ESRRG: variants seen among roughly 807,000 people sequenced by gnomAD.
The protein encoded by ESRRG is estrogen related receptor gamma.
In ESRRG, 13 loss-of-function variants were observed where a neutral mutation model predicts 44.0. That is an observed-to-expected ratio of 0.30 (90% CI 0.19 to 0.47). The LOEUF (loss-of-function observed/expected upper bound fraction) is 0.47, where lower values mean the gene tolerates loss of function less well. Ranked by LOEUF, ESRRG falls within the 20% of genes least tolerant of loss-of-function variation. The pLI is 1.00. For missense variants in ESRRG, 395 were observed against 580.6 expected (o/e 0.68, Z 3.29); for synonymous variants, 215 against 214.6 (o/e 1.00, Z -0.02).
At chr1:216,833,555 A>G (rs1326360740) in intron 2 of ESRRG, among the ~76,000 whole-genome samples, 1 of 152,220 alleles carries the variant, frequency 6.6e-6, no homozygotes, top group East Asian at 1.9e-4. Flanking sequence ...CAAATTTGAC[A>G]CACAAAATTA....
At chr1:216,650,566 T>A (rs2151048524) in intron 3 of ESRRG, among the ~76,000 whole-genome samples, 1 of 152,182 alleles carries the variant, frequency 6.6e-6, no homozygotes, top group South Asian at 2.1e-4. Flanking sequence ...AAGATAAGGT[T>A]GGGAAAGAAC....
intron 3 of ESRRG, among the ~76,000 whole-genome samples, chr1:216,604,695 G>A (rs1483884815): frequency 6.6e-6 from 1 of 152,102 alleles, no homozygotes; most frequent in Non-Finnish European, 1.5e-5. Context: ...ATGGGATTGG[G>A]TCACTTTCTT....
At chr1:216,970,420 T>C (rs1182504820) in intron 1 of ESRRG, among the ~76,000 whole-genome samples, 1 of 152,178 alleles carries the variant, frequency 6.6e-6, no homozygotes. Context: ...AGTGTCTTCT[T>C]CAACTTTGCC....
intron 1 of ESRRG, among the ~76,000 whole-genome samples, chr1:216,973,310 T>G (rs566971638): frequency 1.3e-5 from 2 of 152,246 alleles, no homozygotes. Context: ...CACCTCTCAT[T>G]GTCCTCTCCA....
At chr1:217,129,407 C>T (rs991016394) in intron 1 of ESRRG, among the ~76,000 whole-genome samples, 10 of 152,128 alleles carry the variant, frequency 6.6e-5, no homozygotes, top group African/African-American at 1.4e-4. Flanking sequence ...TATGTAGCTG[C>T]TGTGGAAAGA....
intron 1 of ESRRG, among the ~76,000 whole-genome samples, chr1:217,100,641 T>C (rs2092496962): frequency 6.6e-6 from 1 of 152,234 alleles, no homozygotes; most frequent in South Asian, 2.1e-4. Context: ...AGCATAGTGC[T>C]GGCACCTGCT....
chr1:216,560,308 A>G lies in ESRRG; in HGVS notation c.862+3911T>C, dbSNP rs1356415157. On this transcript the variant is annotated intron_variant, in intron 5 of 6. Coordinates refer to ENST00000408911, the MANE Select transcript of ESRRG (RefSeq NM_001438.4). ...ACTTGAGCAAAGTCCTCCTTCTTCA[A>G]TGGGTAATTATTTAATTTGTCACGT... Among the ~76,000 whole-genome samples, 4 of 152,150 alleles carry G rather than the reference A, an allele frequency of 2.6e-5. No individual in the cohort carries two copies. The East Asian group carries it at 7.7e-4, about 29-fold the overall frequency.
chr1:216,651,609 A>C (rs767176322), intron 2 of ESRRG, among the ~76,000 whole-genome samples: 1 of 152,112 alleles, frequency 6.6e-6, no homozygotes, highest in Non-Finnish European at 1.5e-5. Flanking sequence ...CAGAAATTAC[A>C]TAGTTGTTGC....
rs530642227 is a variant in ESRRG, at chr1:216,703,576, AT to A, written c.56+19667del. On this transcript the variant is annotated intron_variant, in intron 1 of 6. Transcript: ENST00000408911. Reference sequence around the variant, plus strand: ...TTGTTACTAATTCTGTATAAATGTAATTTTTTTTTTGCTTTTTTTTTTAAGT... The same window carrying A: ...TTGTTACTAATTCTGTATAAATGTAATTTTTTTTTGCTTTTTTTTTTAAGT... 1.4e-3 allele frequency among the ~76,000 whole-genome samples: 200 copies of A among 146,770 alleles called. 1 individual carries two copies. Among genetic ancestry groups the A allele is most frequent in the Non-Finnish European group, 2.0e-3 (136 of 66,434 alleles).
chr1:216,737,637 G>A (rs754102872), intron 2 of ESRRG, among the ~76,000 whole-genome samples: 2 of 152,126 alleles, frequency 1.3e-5, no homozygotes, highest in East Asian at 3.8e-4. Context: ...TAAAGGAAGT[G>A]TATGTAAAAG....
At chr1:216,584,733 C>T (rs1033824840) in intron 3 of ESRRG, among the ~76,000 whole-genome samples, 5 of 152,278 alleles carry the variant, frequency 3.3e-5, no homozygotes, top group African/African-American at 7.2e-5. Context: ...TTACTTGCTA[C>T]TTATAAAATC....
intron 1 of ESRRG, among the ~76,000 whole-genome samples, chr1:217,013,379 A>T (rs2078910820): frequency 6.6e-6 from 1 of 152,248 alleles, no homozygotes; most frequent in South Asian, 2.1e-4. Context: ...TTGAGAACTA[A>T]CATGATGTTA....
intron 2 of ESRRG, among the ~76,000 whole-genome samples, chr1:216,884,558 C>G (rs1293658834): frequency 6.6e-6 from 1 of 152,134 alleles, no homozygotes; most frequent in African/African-American, 2.4e-5. Context: ...TTGTCAGAGG[C>G]CTTCAAAACT....
At chr1:217,081,221 C>CTTTTTTTTTTTTTTTTTTTTTTT (rs143325476) in intron 1 of ESRRG, among the ~76,000 whole-genome samples, 2 of 70,410 alleles carry the variant, frequency 2.8e-5, no homozygotes, top group African/African-American at 6.0e-5. Flanking sequence ...TAAAAATATT[C>CTTTTTTTTTTTTTTTTTTTTTTT]TTTTTTTTTT....
At chr1:217,043,791 A>G (rs962332750) in intron 1 of ESRRG, among the ~76,000 whole-genome samples, 4 of 152,198 alleles carry the variant, frequency 2.6e-5, no homozygotes, top group Non-Finnish European at 5.9e-5. Flanking sequence ...AGAACTCAAA[A>G]TAGAGAGCTA....
At chr1:217,059,073 A>G (rs1215810523) in intron 1 of ESRRG, among the ~76,000 whole-genome samples, 1 of 149,208 alleles carries the variant, frequency 6.7e-6, no homozygotes, top group Non-Finnish European at 1.5e-5. Flanking sequence ...ATAATAATAT[A>G]CTATATATCC....
chr1:216,981,594 C>A (rs2073982197), intron 1 of ESRRG, among the ~76,000 whole-genome samples: 1 of 152,040 alleles, frequency 6.6e-6, no homozygotes, highest in Non-Finnish European at 1.5e-5. Flanking sequence ...TAAGAGACAA[C>A]AAATTATAGA....
intron 3 of ESRRG, among the ~76,000 whole-genome samples, chr1:216,597,262 C>A (rs1168209022): frequency 6.6e-6 from 1 of 152,070 alleles, no homozygotes; most frequent in Non-Finnish European, 1.5e-5. Context: ...CACAGTCAGG[C>A]CGGTACACAG....
chr1:216,720,636 T>C (rs1196107027), intron 1 of ESRRG, among the ~76,000 whole-genome samples: 1 of 152,112 alleles, frequency 6.6e-6, no homozygotes, highest in Non-Finnish European at 1.5e-5. Context: ...TTTGACATTA[T>C]GGAATTACTT....
Sources: allele counts gnomAD v4.1 joint callset (sites outside exome capture counted in the v4.1 genomes callset), GRCh38; gene constraint gnomAD v4.1.1; transcripts MANE v1.5; gene names NCBI Gene and HGNC (gene_info 2026-07-23, HGNC 2026-07-21).